PCNX2: variants seen among roughly 807,000 people sequenced by gnomAD.
PCNX2 encodes pecanex 2, also known as pecanex-like protein 2.
A neutral mutation model predicts 223.8 loss-of-function variants in PCNX2; 168 were observed. The ratio of observed to expected loss-of-function variants is 0.75; its 90% CI spans 0.66 to 0.85. PCNX2 has a LOEUF of 0.85. Ranked by LOEUF, PCNX2 falls within the 40% of genes least tolerant of loss-of-function variation. The pLI, the probability that PCNX2 is intolerant of heterozygous loss-of-function variation, is 0.00. For missense variants in PCNX2, 2,507 were observed against 2,675.5 expected, an observed-to-expected ratio of 0.94 and a Z score of 1.39; for synonymous variants, 1,006 against 1,052.6, an observed-to-expected ratio of 0.96 and a Z score of 0.86.
In PCNX2 at chr1:233,017,048, C is replaced by T. The variant is rs769552410; in HGVS notation, c.4712G>A (p.Arg1571His). 4.8e-5 allele frequency: 77 copies of T among 1,613,822 alleles called. No individual in the cohort carries two copies. The highest frequency in any genetic ancestry group is 5.8e-5 in the Non-Finnish European group (69 of 1,179,876). ...GTTAATGTTGAACATTGCAAGGTCACGCTCAATGTAATGCCACTTGGCAAA... is the reference window on the plus strand; with the variant it reads ...GTTAATGTTGAACATTGCAAGGTCATGCTCAATGTAATGCCACTTGGCAAA... ...QPFAKWHYIE[R>H]DLAMFNINID... Residue 1571 changes from arginine (R) to histidine (H), a missense_variant, in exon 27 of 34, where the codon CGT (arginine) becomes CAT (histidine). This residue lies in a region of PCNX2 where 1,372 missense variants were observed against 1,509.4 expected (regional missense o/e 0.91). Transcript: ENST00000258229.
At chr1:233,263,791 CA>C (rs2103001586) in intron 1 of PCNX2, among the ~76,000 whole-genome samples, 1 of 152,212 alleles carries the variant, frequency 6.6e-6, no homozygotes, top group South Asian at 2.1e-4. Context: ...TGGCCTAATC[CA>C]ATGCATCTTC....
the PCNX2 span, among the ~76,000 whole-genome samples, chr1:233,306,785 G>T: frequency 6.6e-6 from 1 of 152,166 alleles, no homozygotes; most frequent in Non-Finnish European, 1.5e-5. Context: ...TTCTGAAGGG[G>T]CAATTTATTC....
At position 233,187,133 on chromosome 1, in the gene PCNX2, G is replaced by C. The variant is rs114144479; in HGVS notation, c.3067-7958C>G. Among the ~76,000 whole-genome samples the C allele has an allele frequency of 2.2e-3, 341 of 152,262 alleles. 2 individuals carry two copies. Among genetic ancestry groups the C allele is most frequent in the African/African-American group, 8.0e-3 (331 of 41,552 alleles). ...ACACAGCAACAGCTCCCATGCATTC[G>C]GCAGCGACTACCTGACTTGCTGCTT... On this transcript the variant is annotated intron_variant, in intron 15 of 33. Coordinates refer to ENST00000258229, the MANE Select transcript of PCNX2 (RefSeq NM_014801.4).
chr1:233,184,985 G>A (rs1021777399), intron 15 of PCNX2, among the ~76,000 whole-genome samples: 1 of 150,998 alleles, frequency 6.6e-6, no homozygotes, highest in Non-Finnish European at 1.5e-5. Context: ...TGGTAACAAA[G>A]CAAACCACCT....
intron 9 of PCNX2, among the ~76,000 whole-genome samples, chr1:233,228,686 C>T (rs769451059): frequency 2.0e-5 from 3 of 152,202 alleles, no homozygotes; most frequent in Non-Finnish European, 2.9e-5. Flanking sequence ...GTCTGTATCA[C>T]GTTTTGTTAA....
chr1:233,228,879 C>T (rs184776271), intron 9 of PCNX2, among the ~76,000 whole-genome samples: 40 of 152,294 alleles, frequency 2.6e-4, no homozygotes, highest in African/African-American at 9.4e-4. Context: ...TTTTGCCTTG[C>T]ACTTTTCCAA....
chr1:233,206,815 A>G (rs1370849845), intron 13 of PCNX2, among the ~76,000 whole-genome samples: 1 of 152,022 alleles, frequency 6.6e-6, no homozygotes, highest in East Asian at 1.9e-4. Context: ...AGGTCAGACC[A>G]GCCTGGCCAA....
intron 9 of PCNX2, among the ~76,000 whole-genome samples, chr1:233,228,335 C>T (rs1321624604): frequency 6.6e-6 from 1 of 152,160 alleles, no homozygotes; most frequent in East Asian, 1.9e-4. Flanking sequence ...TATTTCTAAC[C>T]TCTATATATC....
At position 232,984,392 on chromosome 1, in the gene PCNX2, G is replaced by A; in HGVS notation, c.6326C>T (p.Thr2109Ile). Reference sequence around the variant, plus strand: ...TGCTCTCCTGCAGACAACCCCGAGAGTGTCCGCCACAGCCTCAGCCAGACA... The same window carrying A: ...TGCTCTCCTGCAGACAACCCCGAGAATGTCCGCCACAGCCTCAGCCAGACA... ...DRCLAEAVAD[T>I]LGVVCRRASQ... The change falls in exon 34 of 34, where the codon ACT (threonine) becomes ATT (isoleucine). Residue 2109 changes from threonine to isoleucine, a missense_variant. Coordinates refer to ENST00000258229, the MANE Select transcript of PCNX2 (RefSeq NM_014801.4). 1.2e-6 allele frequency: 2 copies of A among 1,613,750 alleles called. No homozygotes were observed. The highest frequency in any genetic ancestry group is 1.3e-5 in the African/African-American group (1 of 75,002).
chr1:233,240,721 A>G (rs1309142843), intron 8 of PCNX2, among the ~76,000 whole-genome samples: 2 of 152,148 alleles, frequency 1.3e-5, no homozygotes, highest in African/African-American at 4.8e-5. Flanking sequence ...GGTAATAAAG[A>G]CGGGCCTGGG....
At chr1:233,182,278 C>A (rs1442911760) in intron 15 of PCNX2, among the ~76,000 whole-genome samples, 2 of 152,208 alleles carry the variant, frequency 1.3e-5, no homozygotes, top group East Asian at 1.9e-4. Flanking sequence ...ACCGTCTCAA[C>A]AGTCTCCTGA....
At position 233,128,104 on chromosome 1, in the gene PCNX2, G is replaced by A. The variant is rs1355846763; in HGVS notation, c.3837+6909C>T. On this transcript the variant is annotated intron_variant, in intron 21 of 33. Coordinates refer to ENST00000258229, the MANE Select transcript of PCNX2 (RefSeq NM_014801.4). ...AAGCCACACATCACGGTTCTGGTGC[G>A]ATCATTCATACAGCTTTATCATAAA... 2.6e-5 allele frequency among the ~76,000 whole-genome samples: 4 copies of A among 152,226 alleles called. No individual in the cohort carries two copies. The South Asian group carries it at 8.3e-4, about 32-fold the overall frequency.
Position 233,177,876 on chromosome 1 carries a change from A to G in PCNX2, c.3199T>C (p.Phe1067Leu), listed in dbSNP as rs1679571443. Residue 1067 changes from phenylalanine to leucine, a missense_variant, in exon 17 of 34, where the codon TTT (phenylalanine) becomes CTT (leucine). Phe to Leu is a conservative substitution (Grantham distance 22, BLOSUM62 0). This residue lies in a region of PCNX2 where 1,372 missense variants were observed against 1,509.4 expected (regional missense o/e 0.91). Coordinates refer to ENST00000258229, the MANE Select transcript of PCNX2 (RefSeq NM_014801.4). ...AGATTTTGATGTAAAAATTTAGGAA[A>G]CAGCCTGCATTGGATGAAGGACCTG... ...VLMSFIQCRLFPKFLHQNLAE... is the reference protein window; with the variant it reads ...VLMSFIQCRLLPKFLHQNLAE... 1.2e-6 allele frequency: 2 copies of G among 1,613,822 alleles called. No individual in the cohort carries two copies. The highest frequency in any genetic ancestry group is 8.5e-7 in the Non-Finnish European group (1 of 1,179,820).
At chr1:233,017,291 C>A in intron 26 of PCNX2, 137 bp from the exon 27 acceptor site, 67 of 433,866 alleles carry the variant, frequency 1.5e-4, no homozygotes, top group Middle Eastern at 7.0e-4. Flanking sequence ...GCACAGAACT[C>A]ATTTGAGACA....
At chr1:233,114,591 G>A (rs76901332) in intron 21 of PCNX2, among the ~76,000 whole-genome samples, 4,675 of 152,206 alleles carry the variant, frequency 0.031, 220 homozygotes, top group African/African-American at 0.11. Flanking sequence ...AAGCTTGGAA[G>A]TTATTTTTAC....
intron 15 of PCNX2, among the ~76,000 whole-genome samples, chr1:233,194,260 G>A (rs563980424): frequency 3.8e-4 from 57 of 151,982 alleles, no homozygotes; most frequent in Non-Finnish European, 6.8e-4. Context: ...AAAGTACCAG[G>A]GGAAAAAAGC....
intron 5 of PCNX2, among the ~76,000 whole-genome samples, chr1:233,256,748 C>T (rs934053648): frequency 6.6e-6 from 1 of 152,158 alleles, no homozygotes; most frequent in African/African-American, 2.4e-5. Context: ...ATGATAAACA[C>T]CCAAATCTTT....
chr1:233,003,559 G>C (rs1314988880), intron 28 of PCNX2, among the ~76,000 whole-genome samples: 1 of 152,208 alleles, frequency 6.6e-6, no homozygotes, highest in African/African-American at 2.4e-5. Flanking sequence ...TAGTGGGAGT[G>C]TAAATTAGTT....
rs139866055 is a variant in PCNX2, at chr1:233,285,000, G to A, written c.153+10326C>T. 416 of 985,272 alleles carry A rather than the reference G, an allele frequency of 4.2e-4. 5 individuals are homozygous for A. The African/African-American group carries it at 6.8e-3, about 16-fold the overall frequency. 61.0% of individuals were successfully genotyped at this position (985,272 alleles called of 1,614,324 possible). A position where few individuals can be genotyped will look rare whatever the true frequency, so the allele number is the denominator to read the frequency against. On this transcript the variant is annotated intron_variant, in intron 1 of 33. Transcript: ENST00000258229. The stretch of plus-strand genomic sequence containing the variant: ...TGTTCCTAACTACCTATAATGAGCA[G>A]GACCCCCTGCTAACCATACCCCTGA...
Sources: gnomAD v4.1 joint callset for allele counts (sites outside exome capture counted in the v4.1 genomes callset) on GRCh38, gnomAD v4.1.1 for gene constraint, gnomAD v4.1.1 regional missense constraint, MANE v1.5 for transcripts, NCBI Gene and HGNC (gene_info 2026-07-23, HGNC 2026-07-21) for gene names.